The following AKAP4 variants were observed in gnomAD, a reference collection of about 807,000 sequenced individuals.
AKAP4 encodes the protein A-kinase anchoring protein 4, also known as A-kinase anchor protein 4.
In AKAP4, 4 loss-of-function variants were observed where a neutral mutation model predicts 42.6. The ratio of observed to expected loss-of-function variants is 0.09; its 90% CI spans 0.05 to 0.22. The LOEUF is 0.22. Among genes scored for constraint, AKAP4 ranks in the 10% least tolerant of loss-of-function variants. The pLI is 1.00. For missense variants in AKAP4, 551 were observed against 630.7 expected, an observed-to-expected ratio of 0.87 and a Z score of 1.35; for synonymous variants, 223 against 233.0, an observed-to-expected ratio of 0.96 and a Z score of 0.39.
In AKAP4 at chrX:50,193,906, C is replaced by G; in HGVS notation, c.807G>C (p.Lys269Asn). The G allele has an allele frequency of 8.3e-7, 1 of 1,211,950 alleles. No homozygotes were observed. The highest frequency in any genetic ancestry group is 1.1e-6 in the Non-Finnish European group (1 of 895,587). The change falls in exon 5 of 6, where the codon AAG (lysine) becomes AAC (asparagine). Residue 269 changes from lysine to asparagine, a missense_variant. Lys to Asn is a moderately conservative substitution (Grantham distance 94, BLOSUM62 0). Coordinates refer to ENST00000358526, the MANE Select transcript of AKAP4 (RefSeq NM_003886.3). The stretch of plus-strand genomic sequence containing the variant: ...CTTCATAGGCCATTTCAGAAGCAAT[C>G]TTGCTCGCAGGAGTTCGGGGACTGA... ...ERISPRTPASKIASEMAYEAV... is the reference protein window; with the variant it reads ...ERISPRTPASNIASEMAYEAV...
At position 50,193,654 on chromosome X, in the gene AKAP4, T is replaced by A. The variant is rs781856889; in HGVS notation, c.1059A>T (p.Lys353Asn). 1 of 1,211,870 alleles carries A rather than the reference T, an allele frequency of 8.3e-7. No individual in the cohort carries two copies. Reference sequence around the variant, plus strand: ...GAATTGGCTTCCCAGAGCTGTGCACTTTCAAGGTCTTCATGAGAGAGACCA... The same window carrying A: ...GAATTGGCTTCCCAGAGCTGTGCACATTCAAGGTCTTCATGAGAGAGACCA... ...DMMVSLMKTLKVHSSGKPIPA... is the reference protein window; with the variant it reads ...DMMVSLMKTLNVHSSGKPIPA... Residue 353 changes from lysine (K) to asparagine (N), a missense_variant, in exon 5 of 6, where the codon AAA becomes AAT. Coordinates refer to ENST00000358526, the MANE Select transcript of AKAP4 (RefSeq NM_003886.3).
chrX:50,192,368 G>T lies in AKAP4; in HGVS notation c.2345C>A (p.Ala782Glu), dbSNP rs782360510. The T allele has an allele frequency of 8.3e-7, 1 of 1,207,050 alleles. No homozygotes were observed. Among genetic ancestry groups the T allele is most frequent in the Admixed American group, 2.2e-5 (1 of 45,596 alleles). The change falls in exon 5 of 6, where the codon GCA becomes GAA. Residue 782 changes from alanine to glutamate, a missense_variant. Physicochemically the swap from Ala to Glu is moderately radical, Grantham distance 107. Coordinates refer to ENST00000358526, the MANE Select transcript of AKAP4 (RefSeq NM_003886.3). ...KQLQAVLQWI[A>E]ASQFNVPMLY... is the part of the protein sequence containing the mutation. Reference sequence around the variant, plus strand: ...CATGGGCACGTTAAACTGGGAGGCTGCAATCCACTGCAGGACAGCCTGGAG... The same window carrying T: ...CATGGGCACGTTAAACTGGGAGGCTTCAATCCACTGCAGGACAGCCTGGAG...
At position 50,198,657 on chromosome X, in the gene AKAP4, C is replaced by T; in HGVS notation, c.123G>A (p.Val41=). ...PEGQQDQDRK[V]ICFVDVSTLN... ...CGGCATGAGTCATTTTTTATCTTACCACTTTCCGGTCCTGATCTTGCTGTC... is the reference window on the plus strand; with the variant it reads ...CGGCATGAGTCATTTTTTATCTTACTACTTTCCGGTCCTGATCTTGCTGTC... The change falls in exon 2 of 6, where the codon GTG becomes GTA. Residue 41 remains valine, a splice_region_variant and synonymous_variant. Transcript: ENST00000358526. 2 of 1,205,371 alleles carry T rather than the reference C, an allele frequency of 1.7e-6. No homozygotes were observed. The highest frequency in any genetic ancestry group is 2.2e-6 in the Non-Finnish European group (2 of 890,706).
intron 1 of AKAP4, among the ~76,000 whole-genome samples, chrX:50,200,633 C>T (rs189921527): frequency 2.7e-5 from 3 of 112,249 alleles, no homozygotes; most frequent in African/African-American, 6.5e-5. Flanking sequence ...TCATTTCCTG[C>T]GAGACCTCCA....
At position 50,192,557 on chromosome X, in the gene AKAP4, G is replaced by T. The variant is rs138199562; in HGVS notation, c.2156C>A (p.Ala719Glu). The change falls in exon 5 of 6, where the codon GCA becomes GAA. Residue 719 changes from alanine to glutamate, a missense_variant. Ala to Glu is a moderately radical substitution (Grantham distance 107). Transcript: ENST00000358526. ...TTGTTCTTCCAACTCAGCAAGGGCT[G>T]CCCCATCGTTGCTATACTTAGCCAT... Reference protein sequence around the residue: ...LIMAKYSNDGAALAELEEQAA... With the variant: ...LIMAKYSNDGEALAELEEQAA... 16 of 1,209,818 alleles carry T rather than the reference G, an allele frequency of 1.3e-5. No individual in the cohort carries two copies. In the African/African-American group the frequency reaches 2.8e-4, roughly 21 times the overall value.
chrX:50,200,200 T>A (rs1254864384), intron 1 of AKAP4: 1 of 749,898 alleles, frequency 1.3e-6, no homozygotes, highest in African/African-American at 2.3e-5. Flanking sequence ...CCAAAAGAAC[T>A]GTGAAAAATA....
At position 50,200,985 on chromosome X, in the gene AKAP4, G is replaced by A; in HGVS notation, c.-96C>T. The A allele has an allele frequency of 2.3e-6, 2 of 877,053 alleles. No homozygotes were observed. Among genetic ancestry groups the A allele is most frequent in the East Asian group, 3.1e-5 (1 of 32,065 alleles). The allele number at this position is 877,053 out of a possible 1,213,427, so 72.3% of individuals were successfully genotyped here. A position where few individuals can be genotyped will look rare whatever the true frequency, so the allele number is the denominator to read the frequency against. ...ACTGCTTTTTTCTTCAACTCTCCATGCCCTCCTACAGCCTTGACTGCCAGC... is the reference window on the plus strand; with the variant it reads ...ACTGCTTTTTTCTTCAACTCTCCATACCCTCCTACAGCCTTGACTGCCAGC... On this transcript the variant is annotated 5_prime_UTR_variant, in exon 1 of 6. Transcript: ENST00000358526.
At chrX:50,196,142 T>C (rs536111328) in intron 4 of AKAP4, among the ~76,000 whole-genome samples, 1 of 112,186 alleles carries the variant, frequency 8.9e-6, no homozygotes, top group African/African-American at 3.2e-5. Flanking sequence ...ACTCTTTGGA[T>C]ACTGTAATGT....
chrX:50,191,211 A>C, intron 5 of AKAP4, 96 bp from the exon 6 acceptor site: 1 of 962,797 alleles, frequency 1.0e-6, no homozygotes, highest in Non-Finnish European at 1.4e-6. Context: ...TCAACCCCTA[A>C]CCTCCTCACC....
At chrX:50,199,636 C>T (rs1935234832) in intron 1 of AKAP4, among the ~76,000 whole-genome samples, 1 of 110,801 alleles carries the variant, frequency 9.0e-6, no homozygotes, top group African/African-American at 3.3e-5. Flanking sequence ...GCTCAGTAGA[C>T]TTGTTTTTGG....
At position 50,192,554 on chromosome X, in the gene AKAP4, G is replaced by T. The variant is rs1557203780; in HGVS notation, c.2159C>A (p.Ala720Asp). 1 of 1,211,624 alleles carries T rather than the reference G, an allele frequency of 8.3e-7. No homozygotes were observed. The highest frequency in any genetic ancestry group is 1.1e-6 in the Non-Finnish European group (1 of 895,502). The change falls in exon 5 of 6, where the codon GCC becomes GAC. Residue 720 changes from alanine to aspartate, a missense_variant. Physicochemically the swap from Ala to Asp is moderately radical, Grantham distance 126. Coordinates refer to ENST00000358526, the MANE Select transcript of AKAP4 (RefSeq NM_003886.3). ...IMAKYSNDGA[A>D]LAELEEQAAS... ...TGCTTGTTCTTCCAACTCAGCAAGG[G>T]CTGCCCCATCGTTGCTATACTTAGC...
rs1935144342 is a variant in AKAP4, at chrX:50,193,580, A to G, written c.1133T>C (p.Ile378Thr). 1.7e-6 allele frequency: 2 copies of G among 1,211,581 alleles called. No homozygotes were observed. Among genetic ancestry groups the G allele is most frequent in the Non-Finnish European group, 2.2e-6 (2 of 895,456 alleles). The change falls in exon 5 of 6, where the codon ATT (isoleucine) becomes ACT (threonine). Residue 378 changes from isoleucine (I) to threonine (T), a missense_variant. Coordinates refer to ENST00000358526, the MANE Select transcript of AKAP4 (RefSeq NM_003886.3). The stretch of plus-strand genomic sequence containing the variant: ...GCAAGAATCAATCAAATCGGACACA[A>G]TCTCCTTGGTGTGCCTTAGCAACAC... Reference protein sequence around the residue: ...KRVLLRHTKEIVSDLIDSCMK... With the variant: ...KRVLLRHTKETVSDLIDSCMK...
In AKAP4 at chrX:50,194,287, G is replaced by T; in HGVS notation, c.426C>A (p.Asp142Glu). 2.5e-6 allele frequency: 3 copies of T among 1,209,918 alleles called. No homozygotes were observed. Among genetic ancestry groups the T allele is most frequent in the Non-Finnish European group, 3.4e-6 (3 of 894,991 alleles). ...ATGCTCTGTGATATTCGCCCTCTGT[G>T]TCTCCTACTTTATGTTTACAGGTAG... is the stretch of plus-strand genomic sequence containing the variant. ...STSTCKHKVG[D>E]TEGEYHRASS... Residue 142 changes from aspartate (D) to glutamate (E), a missense_variant, in exon 5 of 6, where the codon GAC becomes GAA. By Grantham distance (45) the Asp-to-Glu change is conservative. Coordinates refer to ENST00000358526, the MANE Select transcript of AKAP4 (RefSeq NM_003886.3).
At chrX:50,196,489 A>C (rs1217835017) in intron 4 of AKAP4, among the ~76,000 whole-genome samples, 1 of 111,567 alleles carries the variant, frequency 9.0e-6, no homozygotes, top group East Asian at 2.8e-4. Flanking sequence ...TCTCTTAGAC[A>C]ACAGGGTAAG....
chrX:50,192,496 G>A lies in AKAP4; in HGVS notation c.2217C>T (p.Thr739=). Residue 739 remains threonine, a synonymous_variant, in exon 5 of 6, where the codon ACC becomes ACT. Coordinates refer to ENST00000358526, the MANE Select transcript of AKAP4 (RefSeq NM_003886.3). ...GCATTGCACCACTGTGAATGCATCTGGTGCCCCTGAAATTGGGCTTATTTG... is the reference window on the plus strand; with the variant it reads ...GCATTGCACCACTGTGAATGCATCTAGTGCCCCTGAAATTGGGCTTATTTG... ...ASANKPNFRG[T]RCIHSGAMPQ... 1 of 1,211,256 alleles carries A rather than the reference G, an allele frequency of 8.3e-7. No homozygotes were observed. The highest frequency in any genetic ancestry group is 1.1e-6 in the Non-Finnish European group (1 of 895,348).
rs1935131133 is a variant in AKAP4, at chrX:50,192,858, G to T, written c.1855C>A (p.Leu619Met). The change falls in exon 5 of 6, where the codon CTG becomes ATG. Residue 619 changes from leucine (L) to methionine (M), a missense_variant. Physicochemically the swap from Leu to Met is conservative, Grantham distance 15. Coordinates refer to ENST00000358526, the MANE Select transcript of AKAP4 (RefSeq NM_003886.3). Reference sequence around the variant, plus strand: ...GACATATCCATTTTCTGGGAGTCCAGGTGTTGGTTCTCCTTTTGACAGGTG... The same window carrying T: ...GACATATCCATTTTCTGGGAGTCCATGTGTTGGTTCTCCTTTTGACAGGTG... ...PSTCQKENQH[L>M]DSQKMDMSNI... is the part of the protein sequence containing the mutation. 2 of 1,210,233 alleles carry T rather than the reference G, an allele frequency of 1.7e-6. No individual in the cohort carries two copies. The highest frequency in any genetic ancestry group is 2.2e-6 in the Non-Finnish European group (2 of 895,296).
chrX:50,194,879 T>C (rs1460202281), intron 4 of AKAP4, among the ~76,000 whole-genome samples: 1 of 111,801 alleles, frequency 8.9e-6, no homozygotes, highest in Non-Finnish European at 1.9e-5. Flanking sequence ...TGTGTTGACA[T>C]CATTACCTAT....
In AKAP4 at chrX:50,193,784, C is replaced by T; in HGVS notation, c.929G>A (p.Ser310Asn). The change falls in exon 5 of 6, where the codon AGC (serine) becomes AAC (asparagine). Residue 310 changes from serine (S) to asparagine (N), a missense_variant. Ser to Asn is a conservative substitution (Grantham distance 46, BLOSUM62 1). Coordinates refer to ENST00000358526, the MANE Select transcript of AKAP4 (RefSeq NM_003886.3). ...SFLYSELSNK[S>N]KSGDKQMSQR... Reference sequence around the variant, plus strand: ...GGACATCTGTTTGTCTCCACTTTTGCTCTTGTTGGATAATTCGCTATATAG... The same window carrying T: ...GGACATCTGTTTGTCTCCACTTTTGTTCTTGTTGGATAATTCGCTATATAG... 8.3e-7 allele frequency: 1 copy of T among 1,210,294 alleles called. No homozygotes were observed. The highest frequency in any genetic ancestry group is 1.7e-5 in the African/African-American group (1 of 57,867).
At chrX:50,195,210 C>G (rs1199547322) in intron 4 of AKAP4, among the ~76,000 whole-genome samples, 7 of 111,546 alleles carry the variant, frequency 6.3e-5, no homozygotes, top group Non-Finnish European at 1.1e-4. Context: ...TGTATAATGA[C>G]TATGTATGTT....
Sources: allele counts gnomAD v4.1 joint callset (sites outside exome capture counted in the v4.1 genomes callset), GRCh38; gene constraint gnomAD v4.1.1; transcripts MANE v1.5; gene names NCBI Gene and HGNC (gene_info 2026-07-23, HGNC 2026-07-21).